Variants in PTPN14 observed in about 807,000 individuals in gnomAD.
The protein encoded by PTPN14 is protein tyrosine phosphatase non-receptor type 14.
Under a neutral mutation model 126.8 loss-of-function variants are expected in PTPN14, and 53 were observed. The ratio of observed to expected loss-of-function variants is 0.42; its 90% CI spans 0.34 to 0.53. PTPN14 has a LOEUF of 0.53. PTPN14 is among the 20% of genes least tolerant of loss of function. PTPN14 has a pLI of 0.08. For missense variants in PTPN14, 1,257 were observed against 1,552.9 expected (o/e 0.81, Z 3.20); for synonymous variants, 630 against 599.3 (o/e 1.05, Z -0.75).
intron 1 of PTPN14, among the ~76,000 whole-genome samples, chr1:214,540,781 G>C (rs966748717): frequency 6.6e-6 from 1 of 152,072 alleles, no homozygotes; most frequent in South Asian, 2.1e-4. Flanking sequence ...AATGGGAAAA[G>C]CAGAAGAAGA....
chr1:214,502,136 A>G (rs1033596353), intron 1 of PTPN14, among the ~76,000 whole-genome samples: 1 of 151,870 alleles, frequency 6.6e-6, no homozygotes, highest in Non-Finnish European at 1.5e-5. Context: ...AAAGTTGCAT[A>G]TATTTAATGC....
Position 214,383,773 on chromosome 1 carries a change from G to A in PTPN14, c.2082C>T (p.His694=), listed in dbSNP as rs757459160. The A allele has an allele frequency of 1.9e-6, 3 of 1,613,232 alleles. No homozygotes were observed. Among genetic ancestry groups the A allele is most frequent in the Non-Finnish European group, 2.5e-6 (3 of 1,180,034 alleles). ...HEVPQLPQYH[H]KKTFSDATML... is the part of the protein sequence containing the mutation. ...TAGTGGCATCAGAGAAGGTCTTCTT[G>A]TGGTGATACTGAGGGAGCTGGGGGA... The change falls in exon 13 of 19, where the codon CAC becomes CAT. Residue 694 remains histidine, a synonymous_variant. Transcript: ENST00000366956. This position sits in a 1 kb window ranked among gnomAD's most constrained non-coding sequence, Gnocchi z 4.4.
At chr1:214,459,888 C>A (rs1356201451) in intron 2 of PTPN14, among the ~76,000 whole-genome samples, 1 of 152,206 alleles carries the variant, frequency 6.6e-6, no homozygotes, top group African/African-American at 2.4e-5. Context: ...ATGTTTTATT[C>A]CCCACATAGT....
chr1:214,395,379 T>C (rs768197502), intron 8 of PTPN14, among the ~76,000 whole-genome samples: 8 of 152,074 alleles, frequency 5.3e-5, no homozygotes, highest in Non-Finnish European at 8.8e-5. Flanking sequence ...GGAACCTAAA[T>C]AGAAGAATCC....
intron 1 of PTPN14, among the ~76,000 whole-genome samples, chr1:214,535,551 G>C (rs1261483763): frequency 6.6e-6 from 1 of 152,164 alleles, no homozygotes; most frequent in Non-Finnish European, 1.5e-5. Flanking sequence ...GCTGAGGAGG[G>C]CAGATCACCT....
chr1:214,465,381 G>A (rs34464112), intron 1 of PTPN14, among the ~76,000 whole-genome samples: 13,689 of 152,152 alleles, frequency 0.09, 788 homozygotes, highest in Middle Eastern at 0.22. Context: ...AGGTTGAGGC[G>A]GAAGGATTAC....
At position 214,364,766 on chromosome 1, in the gene PTPN14, A is replaced by AGAGTGT. The variant is rs1553258558; in HGVS notation, c.3272-92_3272-91insACACTC. On this transcript the variant is annotated intron_variant, in intron 17 of 18. Coordinates refer to ENST00000366956, the MANE Select transcript of PTPN14 (RefSeq NM_005401.5). This position sits in a 1 kb window ranked among gnomAD's most constrained non-coding sequence, Gnocchi z 4.1. The stretch of plus-strand genomic sequence containing the variant: ...GGGGAGCGGAAGAGAACTGATGGTG[A>AGAGTGT]GTGTGTGTGTGTGTGTGTGTGTGTG... 6.8e-6 allele frequency: 4 copies of AGAGTGT among 591,892 alleles called. No homozygotes were observed. Among genetic ancestry groups the AGAGTGT allele is most frequent in the East Asian group, 3.5e-5 (1 of 28,606 alleles). The allele number at this position is 591,892 out of a possible 1,614,324, so 36.7% of individuals were successfully genotyped here.
At chr1:214,462,803 C>G (rs1421821737) in intron 2 of PTPN14, among the ~76,000 whole-genome samples, 2 of 152,102 alleles carry the variant, frequency 1.3e-5, no homozygotes, top group Non-Finnish European at 2.9e-5. Flanking sequence ...TCACCAAGTT[C>G]TAAAAAAGTG....
chr1:214,469,803 A>G (rs2102659305), intron 1 of PTPN14, among the ~76,000 whole-genome samples: 1 of 124,122 alleles, frequency 8.1e-6, no homozygotes, highest in African/African-American at 3.2e-5. Context: ...GGGGATGGTG[A>G]TAGTGGGGGC....
intron 15 of PTPN14, among the ~76,000 whole-genome samples, chr1:214,373,245 C>T (rs372137178): frequency 2.6e-5 from 4 of 151,960 alleles, no homozygotes; most frequent in Admixed American, 2.0e-4. Context: ...GTAGAGATGG[C>T]GTTTCACCAC....
At position 214,378,043 on chromosome 1, in the gene PTPN14, T is replaced by C. The variant is rs1251637811; in HGVS notation, c.2604A>G (p.Ala868=). The C allele has an allele frequency of 6.2e-7, 1 of 1,612,720 alleles. No individual in the cohort carries two copies. Among genetic ancestry groups the C allele is most frequent in the East Asian group, 2.2e-5 (1 of 44,860 alleles). ...LEAQKRPLML[A]ALNGLSVARV... The stretch of plus-strand genomic sequence containing the variant: ...GAGCCACCGAGAGCCCATTCAATGC[T>C]GCCAACATCAGCGGCCTCTTCTGTG... The change falls in exon 14 of 19, where the codon GCA becomes GCG. Residue 868 remains alanine (A), a synonymous_variant. Coordinates refer to ENST00000366956, the MANE Select transcript of PTPN14 (RefSeq NM_005401.5).
At chr1:214,412,221 A>C (rs1162527506) in intron 4 of PTPN14, among the ~76,000 whole-genome samples, 4 of 152,198 alleles carry the variant, frequency 2.6e-5, no homozygotes, top group African/African-American at 9.6e-5. Flanking sequence ...CCTTCTAAAT[A>C]ACTTCACATG....
At chr1:214,404,043 G>A (rs568005651) in intron 5 of PTPN14, among the ~76,000 whole-genome samples, 5 of 152,064 alleles carry the variant, frequency 3.3e-5, no homozygotes, top group Non-Finnish European at 5.9e-5. Flanking sequence ...CATACCAAAC[G>A]CCCCATTCCT....
chr1:214,406,228 G>A (rs1017817722), intron 5 of PTPN14, among the ~76,000 whole-genome samples: 8 of 152,044 alleles, frequency 5.3e-5, no homozygotes, highest in Non-Finnish European at 8.8e-5. Context: ...CTGTAATACC[G>A]GCACTTTGGG....
chr1:214,403,686 C>A (rs1368919384), intron 5 of PTPN14, among the ~76,000 whole-genome samples: 3 of 152,132 alleles, frequency 2.0e-5, no homozygotes, highest in African/African-American at 7.2e-5. Context: ...TAAACACTGG[C>A]CAGGGAAGCA....
At chr1:214,465,951 CTT>C (rs71165974) in intron 1 of PTPN14, among the ~76,000 whole-genome samples, 12 of 59,022 alleles carry the variant, frequency 2.0e-4, no homozygotes, top group South Asian at 8.2e-4. Context: ...CAGTTACTTC[CTT>C]TTTTTTTTTT....
Position 214,351,291 on chromosome 1 carries a change from AAAAAAAAAAAAAAAAAGAAAAAG to A in PTPN14, c.*6608_*6630del, listed in dbSNP as rs1169015249. Reference sequence around the variant, plus strand: ...GGAGTGAGACACGATCTCAAAAACTAAAAAAAAAAAAAAAAAGAAAAAGAAAAAAAAAAAGGCAGCAGACCCTA... The same window carrying A: ...GGAGTGAGACACGATCTCAAAAACTAAAAAAAAAAAAGGCAGCAGACCCTA... On this transcript the variant is annotated 3_prime_UTR_variant, in exon 19 of 19. Coordinates refer to ENST00000366956, the MANE Select transcript of PTPN14 (RefSeq NM_005401.5). The A allele has an allele frequency of 1.5e-5, 2 of 133,108 alleles. No individual in the cohort carries two copies. The highest frequency in any genetic ancestry group is 6.0e-5 in the African/African-American group (2 of 33,096). 8.2% of individuals were successfully genotyped at this position (133,108 alleles called of 1,614,324 possible).
At chr1:214,420,080 T>A (rs1483379550) in intron 3 of PTPN14, among the ~76,000 whole-genome samples, 1 of 152,246 alleles carries the variant, frequency 6.6e-6, no homozygotes, top group Non-Finnish European at 1.5e-5. Context: ...GACAGTCAAT[T>A]AAAAGTCTGC....
chr1:214,443,380 G>A (rs1029364803), intron 3 of PTPN14, among the ~76,000 whole-genome samples: 9 of 152,094 alleles, frequency 5.9e-5, no homozygotes, highest in African/African-American at 2.2e-4. Flanking sequence ...CAGTGAGTCA[G>A]ATCCAGAAGC....
Sources: allele counts gnomAD v4.1 joint callset (sites outside exome capture counted in the v4.1 genomes callset), GRCh38; gene constraint gnomAD v4.1.1; non-coding constraint Gnocchi (gnomAD v3.1); transcripts MANE v1.5; gene names NCBI Gene and HGNC (gene_info 2026-07-23, HGNC 2026-07-21).